The following GOPC variants were observed in gnomAD, a reference collection of about 807,000 sequenced individuals.
GOPC encodes the protein golgi associated PDZ and coiled-coil motif containing, also known as Golgi-associated PDZ and coiled-coil motif-containing protein.
Under a neutral mutation model 51.2 loss-of-function variants are expected in GOPC, and 32 were observed. The ratio of observed to expected loss-of-function variants is 0.63; its 90% CI spans 0.47 to 0.84. GOPC has a LOEUF of 0.84. Among genes scored for constraint, GOPC ranks in the 40% least tolerant of loss-of-function variants. The probability of loss-of-function intolerance (pLI) is 0.00; values close to 1 mark genes in which losing one functional copy is unlikely to be tolerated. For missense variants in GOPC, 441 were observed against 555.5 expected (o/e 0.79, Z 2.07); for synonymous variants, 190 against 205.1 (o/e 0.93, Z 0.63).
intron 1 of GOPC, among the ~76,000 whole-genome samples, chr6:117,580,901 G>A (rs1779947611): frequency 6.6e-6 from 1 of 152,160 alleles, no homozygotes; most frequent in South Asian, 2.1e-4. Flanking sequence ...CTTAGTTACA[G>A]TGTATCTAGT....
At chr6:117,586,291 T>C (rs1172877609) in intron 1 of GOPC, among the ~76,000 whole-genome samples, 9 of 152,044 alleles carry the variant, frequency 5.9e-5, no homozygotes. Context: ...TAAAAAATAC[T>C]AATGTATTAG....
At chr6:117,569,907 G>C (rs898120837) in intron 6 of GOPC, 171 bp from the exon 7 acceptor site, 2 of 722,524 alleles carry the variant, frequency 2.8e-6, no homozygotes, top group Non-Finnish European at 4.0e-6. Context: ...AAAATTATCA[G>C]AGTATTGAAC....
intron 1 of GOPC, among the ~76,000 whole-genome samples, chr6:117,579,885 T>C (rs10484298): frequency 0.23 from 34,328 of 151,960 alleles, 4,619 homozygotes; most frequent in South Asian, 0.4. Flanking sequence ...TCATAGATCA[T>C]AATTTATGCC....
Position 117,560,800 on chromosome 6 carries a change from CT to C in GOPC, c.*2453del. On this transcript the variant is annotated 3_prime_UTR_variant, in exon 9 of 9. Coordinates refer to ENST00000368498, the MANE Select transcript of GOPC (RefSeq NM_020399.4). ...TTATTAAAACGTTTTCTCAACCATT[CT>C]GTTTGTGTATACATGTGTGTATTTC... 1 of 213,316 alleles carries C rather than the reference CT, an allele frequency of 4.7e-6. No individual in the cohort carries two copies. Among genetic ancestry groups the C allele is most frequent in the Non-Finnish European group, 9.5e-6 (1 of 105,500 alleles). The allele number at this position is 213,316 out of a possible 1,614,324, so 13.2% of individuals were successfully genotyped here.
chr6:117,593,318 C>G (rs1009366156), intron 1 of GOPC, among the ~76,000 whole-genome samples: 9 of 152,106 alleles, frequency 5.9e-5, no homozygotes, highest in African/African-American at 2.2e-4. Flanking sequence ...TCTCCCTCTT[C>G]TAAGTAGCTG....
chr6:117,577,442 A>T lies in GOPC; in HGVS notation c.474+6T>A. Reference sequence around the variant, plus strand: ...TATTAAAGCAAAACAGAAACAATATACTTACCAGCTCCTCCACAGAGGGGC... The same window carrying T: ...TATTAAAGCAAAACAGAAACAATATTCTTACCAGCTCCTCCACAGAGGGGC... On this transcript the variant is annotated splice_donor_region_variant and intron_variant, in intron 3 of 8. Transcript: ENST00000368498. 5 of 1,605,606 alleles carry T rather than the reference A, an allele frequency of 3.1e-6. No homozygotes were observed. Among genetic ancestry groups the T allele is most frequent in the Non-Finnish European group, 4.3e-6 (5 of 1,175,916 alleles).
intron 1 of GOPC, among the ~76,000 whole-genome samples, chr6:117,588,097 T>C (rs1431343331): frequency 6.6e-6 from 1 of 152,138 alleles, no homozygotes; most frequent in African/African-American, 2.4e-5. Flanking sequence ...CTCAGGCTAG[T>C]CTTGAACTCC....
chr6:117,598,979 T>C (rs1771940811), intron 1 of GOPC, among the ~76,000 whole-genome samples: 1 of 152,158 alleles, frequency 6.6e-6, no homozygotes, highest in Non-Finnish European at 1.5e-5. Context: ...TTATTATGTG[T>C]ATCCAAATAC....
chr6:117,597,582 A>T (rs978613291), intron 1 of GOPC, among the ~76,000 whole-genome samples: 1 of 152,190 alleles, frequency 6.6e-6, no homozygotes, highest in South Asian at 2.1e-4. Flanking sequence ...GGAAAGTGTG[A>T]GAGATGTGAG....
In GOPC at chr6:117,570,899, G is replaced by T; in HGVS notation, c.873C>A (p.Leu291=). Residue 291 remains leucine (L), a synonymous_variant, in exon 6 of 9, where the codon CTC becomes CTA. Transcript: ENST00000368498. ...QGVGPIRKVL[L]LKEDHEGLGI... is the part of the protein sequence containing the mutation. Reference sequence around the variant, plus strand: ...CAAGGCCTTCATGATCTTCCTTAAGGAGGAGAACTTTTCTAATTGGACCAA... The same window carrying T: ...CAAGGCCTTCATGATCTTCCTTAAGTAGGAGAACTTTTCTAATTGGACCAA... The T allele has an allele frequency of 1.9e-6, 3 of 1,597,730 alleles. No individual in the cohort carries two copies. The highest frequency in any genetic ancestry group is 1.1e-5 in the South Asian group (1 of 89,142).
intron 1 of GOPC, among the ~76,000 whole-genome samples, chr6:117,593,242 A>G (rs898714395): frequency 5.3e-5 from 8 of 151,552 alleles, no homozygotes; most frequent in Admixed American, 5.3e-4. Context: ...GTGGGCTCCT[A>G]TTTTACAGAA....
Position 117,575,370 on chromosome 6 carries a change from G to C in GOPC, c.475-18C>G, listed in dbSNP as rs901821363. The C allele has an allele frequency of 1.9e-6, 3 of 1,549,390 alleles. No homozygotes were observed. The highest frequency in any genetic ancestry group is 2.6e-6 in the Non-Finnish European group (3 of 1,137,584). On this transcript the variant is annotated intron_variant, in intron 3 of 8. Coordinates refer to ENST00000368498, the MANE Select transcript of GOPC (RefSeq NM_020399.4). Reference sequence around the variant, plus strand: ...TCTCTTTCCTATGTAATTTTTAAAAGCATATAATTTAATGAAAATAAAAAC... The same window carrying C: ...TCTCTTTCCTATGTAATTTTTAAAACCATATAATTTAATGAAAATAAAAAC...
Position 117,597,653 on chromosome 6 carries a change from G to A in GOPC, c.285+4351C>T, listed in dbSNP as rs73766252. ...ATTCTCTGCTATTCCATTCTCCTCA[G>A]ATATGACTCTTCCCAAATATTGCTA... is the stretch of plus-strand genomic sequence containing the variant. On this transcript the variant is annotated intron_variant, in intron 1 of 8. Transcript: ENST00000368498. 6.8e-3 allele frequency among the ~76,000 whole-genome samples: 1,034 copies of A among 152,222 alleles called. 12 individuals are homozygous for A. The highest frequency in any genetic ancestry group is 0.023 in the African/African-American group (972 of 41,530).
chr6:117,560,442 A>T lies in GOPC; in HGVS notation c.*2812T>A, dbSNP rs1759. On this transcript the variant is annotated 3_prime_UTR_variant, in exon 9 of 9. Coordinates refer to ENST00000368498, the MANE Select transcript of GOPC (RefSeq NM_020399.4). ...GCCAACCATAAGTGTAAGACTGGATAGATGGAATAGGGATTACATAATCAG... is the reference window on the plus strand; with the variant it reads ...GCCAACCATAAGTGTAAGACTGGATTGATGGAATAGGGATTACATAATCAG... 86,159 of 189,856 alleles carry T rather than the reference A, an allele frequency of 0.45. 20,582 individuals are homozygous for T. The highest frequency in any genetic ancestry group is 0.63 in the South Asian group (3,229 of 5,128). 11.8% of individuals were successfully genotyped at this position (189,856 alleles called of 1,614,324 possible). A position where few individuals can be genotyped will look rare whatever the true frequency, so the allele number is the denominator to read the frequency against.
At chr6:117,571,829 T>C (rs550549861) in intron 5 of GOPC, among the ~76,000 whole-genome samples, 8 of 152,240 alleles carry the variant, frequency 5.3e-5, no homozygotes, top group African/African-American at 1.9e-4. Flanking sequence ...AACCCCTCCT[T>C]GAAACCCACT....
Position 117,563,386 on chromosome 6 carries a change from TGAAA to T in GOPC, c.1259-6_1259-3del, listed in dbSNP as rs1404429590. 7.4e-6 allele frequency: 12 copies of T among 1,612,082 alleles called. No homozygotes were observed. The Admixed American group carries it at 2.0e-4, about 27-fold the overall frequency. ...CAGTTACTGCCTTCTTATTAAATCC[TGAAA>T]GAAAGGAGAAAAAAAAAGCAGACAC... On this transcript the variant is annotated splice_polypyrimidine_tract_variant and splice_region_variant and intron_variant, in intron 8 of 8. Transcript: ENST00000368498.
chr6:117,590,980 G>C (rs1348981896), intron 1 of GOPC, among the ~76,000 whole-genome samples: 1 of 152,164 alleles, frequency 6.6e-6, no homozygotes, highest in Admixed American at 6.5e-5. Context: ...AGCCTCCCGA[G>C]TAGCTGGGAT....
chr6:117,577,959 A>G (rs1562142214), intron 2 of GOPC, among the ~76,000 whole-genome samples: 2 of 152,040 alleles, frequency 1.3e-5, no homozygotes, highest in Non-Finnish European at 2.9e-5. Flanking sequence ...AACAAATAAA[A>G]CTTATAAATG....
intron 1 of GOPC, among the ~76,000 whole-genome samples, chr6:117,598,999 C>A (rs957033892): frequency 6.6e-6 from 1 of 151,950 alleles, no homozygotes; most frequent in Non-Finnish European, 1.5e-5. Flanking sequence ...CCACACTGTG[C>A]CCCCTAAAAA....
Sources: allele counts gnomAD v4.1 joint callset (sites outside exome capture counted in the v4.1 genomes callset), GRCh38; gene constraint gnomAD v4.1.1; transcripts MANE v1.5; gene names NCBI Gene and HGNC (gene_info 2026-07-23, HGNC 2026-07-21).